The following DCAF1 variants were observed in gnomAD, a reference collection of about 807,000 sequenced individuals.
DCAF1 encodes DDB1 and CUL4 associated factor 1.
Under a neutral mutation model 128.0 loss-of-function variants are expected in DCAF1, and 15 were observed. The ratio of observed to expected loss-of-function variants is 0.12; its 90% CI spans 0.08 to 0.18. The LOEUF (loss-of-function observed/expected upper bound fraction) is 0.18. Ranked by LOEUF, DCAF1 falls within the 10% of genes least tolerant of loss-of-function variation. DCAF1 has a pLI of 1.00. For missense variants in DCAF1, 988 were observed against 1,649.5 expected (o/e 0.60, Z 6.95); for synonymous variants, 610 against 603.0 (o/e 1.01, Z -0.17).
At chr3:51,403,445 AT>A (rs1553625637) in intron 23 of DCAF1, 50 bp from the exon 24 acceptor site, 1 of 1,541,810 alleles carries the variant, frequency 6.5e-7, no homozygotes, top group Non-Finnish European at 8.8e-7. Context: ...GGCCTGACCC[AT>A]GGGGGCCACA....
At chr3:51,412,972 G>A (rs1553628983) in intron 22 of DCAF1, 21 bp downstream of exon 22, 1 of 1,613,336 alleles carries the variant, frequency 6.2e-7, no homozygotes, top group East Asian at 2.2e-5. Flanking sequence ...AAAGAGCAGG[G>A]CCTCTGCAAG....
intron 2 of DCAF1, among the ~76,000 whole-genome samples, chr3:51,495,416 G>C (rs1308732290): frequency 6.6e-6 from 1 of 152,106 alleles, no homozygotes; most frequent in South Asian, 2.1e-4. Flanking sequence ...GGAAGGCTGA[G>C]GTAGGAGGAT....
chr3:51,400,301 A>C (rs2089564671), intron 24 of DCAF1, among the ~76,000 whole-genome samples: 1 of 152,194 alleles, frequency 6.6e-6, no homozygotes, highest in African/African-American at 2.4e-5. Context: ...CCCCAGAGCC[A>C]AGTCCAGCAC....
chr3:51,497,155 C>T (rs1374598856), intron 1 of DCAF1, among the ~76,000 whole-genome samples: 1 of 152,062 alleles, frequency 6.6e-6, no homozygotes, highest in East Asian at 1.9e-4. Context: ...ATTAGCCAGG[C>T]GTGGGGGCAC....
chr3:51,491,641 G>C (rs183763325), intron 2 of DCAF1, among the ~76,000 whole-genome samples: 2 of 152,172 alleles, frequency 1.3e-5, no homozygotes, highest in East Asian at 3.9e-4. Flanking sequence ...TTGAGCAGGA[G>C]TTCGAGACCA....
At chr3:51,423,091 G>GA (rs1273953302) in intron 13 of DCAF1, among the ~76,000 whole-genome samples, 14 of 150,788 alleles carry the variant, frequency 9.3e-5, no homozygotes, top group Non-Finnish European at 1.5e-4. Context: ...AAAGAAAAAT[G>GA]AAAAAAAAGA....
intron 2 of DCAF1, among the ~76,000 whole-genome samples, chr3:51,488,608 C>T (rs1180233596): frequency 6.6e-6 from 1 of 152,030 alleles, no homozygotes; most frequent in Non-Finnish European, 1.5e-5. Flanking sequence ...TTCCAGACTA[C>T]CCTGGCCAAC....
intron 6 of DCAF1, among the ~76,000 whole-genome samples, chr3:51,462,351 G>A (rs1348324224): frequency 2.6e-5 from 4 of 152,140 alleles, no homozygotes; most frequent in Non-Finnish European, 5.9e-5. Context: ...GAACCCAGGA[G>A]GAAGTTGCAG....
chr3:51,427,106 C>T (rs1263233905), intron 13 of DCAF1, among the ~76,000 whole-genome samples: 2 of 152,116 alleles, frequency 1.3e-5, no homozygotes, highest in South Asian at 2.1e-4. Flanking sequence ...CAGCTGTGGC[C>T]GTGTAAATCA....
chr3:51,403,014 A>C, intron 24 of DCAF1, 129 bp downstream of exon 24: 1 of 1,427,198 alleles, frequency 7.0e-7, no homozygotes, highest in Non-Finnish European at 9.2e-7. Flanking sequence ...GCCTCAAGAG[A>C]CCAGAGTAGT....
intron 2 of DCAF1, among the ~76,000 whole-genome samples, chr3:51,491,456 A>C (rs1246908501): frequency 6.6e-6 from 1 of 152,212 alleles, no homozygotes; most frequent in Non-Finnish European, 1.5e-5. Flanking sequence ...ACACAGAGAC[A>C]AATACAATAG....
intron 13 of DCAF1, 68 bp downstream of exon 13, chr3:51,427,304 T>C (rs1699990691): frequency 3.1e-6 from 2 of 640,208 alleles, no homozygotes; most frequent in Non-Finnish European, 5.7e-6. Context: ...ATATACAATG[T>C]GCAAACCAAC....
chr3:51,438,129 A>AT (rs781849007), intron 9 of DCAF1: 230 of 392,580 alleles, frequency 5.9e-4, no homozygotes, highest in South Asian at 7.3e-4. Flanking sequence ...GTGGTTATGC[A>AT]TTTTTTTTTA....
Position 51,420,015 on chromosome 3 carries a change from G to A in DCAF1, c.2955C>T (p.Ser985=). Residue 985 remains serine, a synonymous_variant, in exon 15 of 25, where the codon AGC becomes AGT. Transcript: ENST00000684031. The surrounding 1 kb of genome is among the most constrained non-coding windows in gnomAD (Gnocchi z 6.5). ...LRQKSDHGAY[S]QSPAIKKQLD... ...GCTGTTTTTTTATGGCTGGGCTTTGGCTGTAGGCACCATGGTCCGACTTCT... is the reference window on the plus strand; with the variant it reads ...GCTGTTTTTTTATGGCTGGGCTTTGACTGTAGGCACCATGGTCCGACTTCT... 6.2e-7 allele frequency: 1 copy of A among 1,613,960 alleles called. No homozygotes were observed. Among genetic ancestry groups the A allele is most frequent in the Middle Eastern group, 1.6e-4 (1 of 6,062 alleles).
rs1701355754 is a variant in DCAF1, at chr3:51,441,545, G to A, written c.866C>T (p.Ser289Phe). 1.2e-6 allele frequency: 2 copies of A among 1,614,014 alleles called. No homozygotes were observed. The highest frequency in any genetic ancestry group is 1.1e-5 in the South Asian group (1 of 91,086). Residue 289 changes from serine to phenylalanine, a missense_variant, in exon 8 of 25, where the codon TCT becomes TTT. Ser to Phe is a radical substitution (Grantham distance 155). Transcript: ENST00000684031. ...RKAKQKLGFS[S>F]SDPDRMFVEL... is the part of the protein sequence containing the mutation. The stretch of plus-strand genomic sequence containing the variant: ...AACAAACATGCGATCTGGATCAGAA[G>A]ATGAGAAACCCAACTTTTGCTTGGC...
chr3:51,412,988 T>C lies in DCAF1; in HGVS notation c.4110+5A>G, dbSNP rs1290863217. ...AAGAGCAGGGCCTCTGCAAGCTCCC[T>C]TTACCTCAATGACAGCAAGATAGCA... On this transcript the variant is annotated splice_donor_5th_base_variant and intron_variant, in intron 22 of 24. Transcript: ENST00000684031. 1.2e-6 allele frequency: 2 copies of C among 1,613,754 alleles called. No homozygotes were observed. The highest frequency in any genetic ancestry group is 2.7e-5 in the African/African-American group (2 of 74,926).
In DCAF1 at chr3:51,403,323, T is replaced by A; in HGVS notation, c.4285A>T (p.Thr1429Ser). The stretch of plus-strand genomic sequence containing the variant: ...AACTCCGCCTCCAGCAACTGGTCAG[T>A]GTCAAGCTCATCTAAATCATCGGTG... The part of the protein sequence containing the change: ...DDTDDLDELD[T>S]DQLLEAELEE... The change falls in exon 24 of 25, where the codon ACT becomes TCT. Residue 1429 changes from threonine to serine, a missense_variant. Physicochemically the swap from Thr to Ser is moderately conservative, Grantham distance 58. This residue lies in a region of DCAF1 where 97 missense variants were observed against 134.5 expected (regional missense o/e 0.72). Coordinates refer to ENST00000684031, the MANE Select transcript of DCAF1 (RefSeq NM_001387579.1). 6.4e-7 allele frequency: 1 copy of A among 1,568,526 alleles called. No homozygotes were observed. Among genetic ancestry groups the A allele is most frequent in the East Asian group, 2.4e-5 (1 of 41,944 alleles).
At chr3:51,430,251 T>C (rs1700249927) in intron 10 of DCAF1, 39 bp from the exon 11 acceptor site, 1 of 761,202 alleles carries the variant, frequency 1.3e-6, no homozygotes, top group Admixed American at 1.8e-5. Flanking sequence ...TTTTAAATTG[T>C]GGGCAAAGGA....
At chr3:51,463,906 G>C (rs562855504) in intron 5 of DCAF1, among the ~76,000 whole-genome samples, 42 of 152,232 alleles carry the variant, frequency 2.8e-4, no homozygotes, top group African/African-American at 1.0e-3. Flanking sequence ...TTAGGCTGGA[G>C]TGCAGTGGCA....
Sources: allele counts gnomAD v4.1 joint callset (sites outside exome capture counted in the v4.1 genomes callset), GRCh38; gene constraint gnomAD v4.1.1; regional missense constraint gnomAD v4.1.1; non-coding constraint Gnocchi (gnomAD v3.1); transcripts MANE v1.5; gene names NCBI Gene and HGNC (gene_info 2026-07-23, HGNC 2026-07-21).